The following MACROD2 variants were observed in gnomAD, a reference collection of about 807,000 sequenced individuals.
The protein encoded by MACROD2 is mono-ADP ribosylhydrolase 2.
In MACROD2, 36 loss-of-function variants were observed where a neutral mutation model predicts 70.4. The ratio of observed to expected loss-of-function variants is 0.51; its 90% CI spans 0.39 to 0.68. The LOEUF (loss-of-function observed/expected upper bound fraction) is 0.68, where lower values mean the gene tolerates loss of function less well. Ranked by LOEUF, MACROD2 falls within the 30% of genes least tolerant of loss-of-function variation. The probability of loss-of-function intolerance (pLI) is 0.00; values close to 1 mark genes in which losing one functional copy is unlikely to be tolerated. For missense variants in MACROD2, 496 were observed against 538.4 expected (o/e 0.92, Z 0.78); for synonymous variants, 172 against 178.8 (o/e 0.96, Z 0.30).
chr20:14,776,443 C>G (rs2072235434), intron 5 of MACROD2, among the ~76,000 whole-genome samples: 1 of 151,944 alleles, frequency 6.6e-6, no homozygotes, highest in African/African-American at 2.4e-5. Flanking sequence ...CAATACAGTG[C>G]CTGATACACA....
intron 4 of MACROD2, among the ~76,000 whole-genome samples, chr20:14,585,832 A>T (rs1261844452): frequency 6.6e-6 from 1 of 152,158 alleles, no homozygotes; most frequent in Admixed American, 6.6e-5. Flanking sequence ...TTGTTAAAGA[A>T]AATGCTGAGT....
chr20:14,402,998 A>G (rs2083654326), intron 3 of MACROD2, among the ~76,000 whole-genome samples: 1 of 152,166 alleles, frequency 6.6e-6, no homozygotes, highest in South Asian at 2.1e-4. Context: ...AACACTTCAA[A>G]ATCTAGAACT....
chr20:15,343,617 G>A (rs908758702), intron 6 of MACROD2, among the ~76,000 whole-genome samples: 1 of 152,122 alleles, frequency 6.6e-6, no homozygotes, highest in Non-Finnish European at 1.5e-5. Flanking sequence ...TAGTGTTAAA[G>A]ATAAGACTAG....
intron 8 of MACROD2, among the ~76,000 whole-genome samples, chr20:15,610,163 G>A (rs12480175): frequency 6.6e-6 from 1 of 152,156 alleles, no homozygotes; most frequent in South Asian, 2.1e-4. Context: ...TTGAACTTCC[G>A]TTTGCTGGGC....
rs398040701 is a variant in MACROD2 at position 15,000,629 on chromosome 20, C to CAAAAAAA, written c.419-229285_419-229279dup. On this transcript the variant is annotated intron_variant, in intron 5 of 17. Transcript: ENST00000684519. ...TGGGCGACAGAGCGAGACTCCGTCT[C>CAAAAAAA]AAAAAAAAAAAAAAAAAAAAAAAAA... 5.5e-3 allele frequency among the ~76,000 whole-genome samples: 120 copies of CAAAAAAA among 21,978 alleles called. 18 individuals are homozygous for CAAAAAAA. The highest frequency in any genetic ancestry group is 6.4e-3 in the Non-Finnish European group (93 of 14,512). The allele number at this position is 21,978 out of a possible 152,430, so 14.4% of individuals were successfully genotyped here.
chr20:14,795,809 G>A (rs551651090), intron 5 of MACROD2, among the ~76,000 whole-genome samples: 1 of 152,078 alleles, frequency 6.6e-6, no homozygotes, highest in East Asian at 1.9e-4. Flanking sequence ...TGGAATAGTA[G>A]GAGTGACAAA....
intron 3 of MACROD2, among the ~76,000 whole-genome samples, chr20:14,223,789 C>T (rs1393615167): frequency 3.3e-5 from 5 of 152,188 alleles, no homozygotes; most frequent in African/African-American, 1.2e-4. Flanking sequence ...TGAGCCACCG[C>T]GCCTGGCCTC....
intron 11 of MACROD2, among the ~76,000 whole-genome samples, chr20:15,936,115 C>T (rs1447365710): frequency 2.0e-5 from 3 of 151,654 alleles, no homozygotes; most frequent in Non-Finnish European, 4.4e-5. Context: ...TTTAGTTCCC[C>T]GACCCTGCTA....
chr20:15,942,290 G>A (rs1001810436), intron 12 of MACROD2, among the ~76,000 whole-genome samples: 7 of 152,178 alleles, frequency 4.6e-5, no homozygotes, highest in African/African-American at 1.4e-4. Context: ...AGCCATTAAA[G>A]CCATAGGGTG....
chr20:14,076,023 A>G (rs2053911943), intron 2 of MACROD2, among the ~76,000 whole-genome samples: 1 of 152,190 alleles, frequency 6.6e-6, no homozygotes, highest in African/African-American at 2.4e-5. Context: ...AGAACAGGTA[A>G]CCTAATTTGT....
chr20:15,470,034 G>A (rs763055393), intron 7 of MACROD2, among the ~76,000 whole-genome samples: 1 of 151,952 alleles, frequency 6.6e-6, no homozygotes. Context: ...TTATCTTTCT[G>A]TACCATTTTT....
At chr20:15,070,863 G>A (rs985547193) in intron 5 of MACROD2, among the ~76,000 whole-genome samples, 7 of 150,884 alleles carry the variant, frequency 4.6e-5, no homozygotes, top group African/African-American at 7.3e-5. Flanking sequence ...ACATCTACCC[G>A]CTTTTCACTA....
chr20:14,928,584 A>C (rs1403834093), intron 5 of MACROD2, among the ~76,000 whole-genome samples: 2 of 152,190 alleles, frequency 1.3e-5, no homozygotes, highest in Non-Finnish European at 2.9e-5. Context: ...ATTGAAACTC[A>C]AGTCCACTGC....
At chr20:14,996,114 A>C (rs1370818799) in intron 5 of MACROD2, among the ~76,000 whole-genome samples, 7 of 152,136 alleles carry the variant, frequency 4.6e-5, no homozygotes, top group African/African-American at 1.7e-4. Context: ...ATGGAAAATG[A>C]AGGGGCCAAG....
At chr20:14,891,702 G>A (rs763853211) in intron 5 of MACROD2, among the ~76,000 whole-genome samples, 2 of 152,094 alleles carry the variant, frequency 1.3e-5, no homozygotes, top group Non-Finnish European at 2.9e-5. Context: ...TGTAGGCTTT[G>A]AAGACTTTAC....
intron 3 of MACROD2, among the ~76,000 whole-genome samples, chr20:14,451,170 A>G (rs1362305810): frequency 6.6e-6 from 1 of 152,060 alleles, no homozygotes; most frequent in African/African-American, 2.4e-5. Context: ...GGCCGGGTGC[A>G]GTGGTTCACA....
At chr20:16,042,297 A>T (rs1464775698) in intron 16 of MACROD2, among the ~76,000 whole-genome samples, 1 of 152,002 alleles carries the variant, frequency 6.6e-6, no homozygotes, top group African/African-American at 2.4e-5. Context: ...CTTAAGAGCC[A>T]CTGCTTGTTA....
chr20:14,423,925 G>T (rs2083905970), intron 3 of MACROD2, among the ~76,000 whole-genome samples: 1 of 151,456 alleles, frequency 6.6e-6, no homozygotes, highest in Non-Finnish European at 1.5e-5. Context: ...ACCACACCCG[G>T]CTAATTTTGT....
intron 15 of MACROD2, among the ~76,000 whole-genome samples, chr20:15,992,747 G>C (rs141762537): frequency 6.6e-6 from 1 of 152,266 alleles, no homozygotes; most frequent in East Asian, 1.9e-4. Flanking sequence ...TTGCCCTGAG[G>C]TGTATGATTC....
Sources: allele counts gnomAD v4.1 joint callset (sites outside exome capture counted in the v4.1 genomes callset), GRCh38; gene constraint gnomAD v4.1.1; transcripts MANE v1.5; gene names NCBI Gene and HGNC (gene_info 2026-07-23, HGNC 2026-07-21).